DEPDC1B: variants seen among roughly 807,000 people sequenced by gnomAD.
The protein encoded by DEPDC1B is DEP domain containing 1B, also known as DEP domain-containing protein 1B.
Under a neutral mutation model 66.5 loss-of-function variants are expected in DEPDC1B, and 51 were observed. The ratio of observed to expected loss-of-function variants is 0.77; its 90% CI spans 0.61 to 0.97. DEPDC1B has a LOEUF of 0.97. Ranked by LOEUF, DEPDC1B falls within the 50% of genes least tolerant of loss-of-function variation. The pLI, the probability that DEPDC1B is intolerant of heterozygous loss-of-function variation, is 0.00. For synonymous variants in DEPDC1B, 226 were observed against 223.6 expected (o/e 1.01, Z -0.10); for missense variants, 552 against 637.1 (o/e 0.87, Z 1.44).
intron 2 of DEPDC1B, among the ~76,000 whole-genome samples, chr5:60,673,589 A>T (rs1384208417): frequency 6.6e-6 from 1 of 152,250 alleles, no homozygotes; most frequent in Non-Finnish European, 1.5e-5. Flanking sequence ...CACAGGAAAC[A>T]TTTGGTGGGC....
chr5:60,633,635 G>A (rs942010170), intron 7 of DEPDC1B, among the ~76,000 whole-genome samples: 2 of 152,204 alleles, frequency 1.3e-5, no homozygotes, highest in Non-Finnish European at 2.9e-5. Flanking sequence ...AGTGAGCCCA[G>A]CTGAGACCTG....
rs752044778 is a variant in DEPDC1B, at chr5:60,603,406, A to T, written c.1227T>A (p.His409Gln). 1 of 1,581,004 alleles carries T rather than the reference A, an allele frequency of 6.3e-7. No homozygotes were observed. The highest frequency in any genetic ancestry group is 8.5e-7 in the Non-Finnish European group (1 of 1,169,772). The change falls in exon 9 of 11, where the codon CAT becomes CAA. Residue 409 changes from histidine to glutamine, a missense_variant. His to Gln is a conservative substitution (Grantham distance 24, BLOSUM62 0). Coordinates refer to ENST00000265036, the MANE Select transcript of DEPDC1B (RefSeq NM_018369.3). ...TCTCCTTTACCTGGACTCTTCGTAG[A>T]TGAGCCACACGCTCCTCTATAGAGG... ...LQTSIEERVA[H>Q]LRRVQIKYPG...
intron 7 of DEPDC1B, among the ~76,000 whole-genome samples, chr5:60,626,626 T>C (rs1752814275): frequency 6.6e-6 from 1 of 152,172 alleles, no homozygotes; most frequent in Non-Finnish European, 1.5e-5. Flanking sequence ...AATAAATATA[T>C]ATGTGTTTAA....
chr5:60,695,423 A>G (rs962884346), intron 1 of DEPDC1B, among the ~76,000 whole-genome samples: 1 of 152,164 alleles, frequency 6.6e-6, no homozygotes, highest in Non-Finnish European at 1.5e-5. Flanking sequence ...ATCAGATCGC[A>G]CATGAACTCA....
Position 60,669,285 on chromosome 5 carries a change from A to T in DEPDC1B, c.314+17677T>A, listed in dbSNP as rs551702318. On this transcript the variant is annotated intron_variant, in intron 2 of 10. Coordinates refer to ENST00000265036, the MANE Select transcript of DEPDC1B (RefSeq NM_018369.3). Reference sequence around the variant, plus strand: ...TAAATGATAGCTCTCTCAATGATTTAAAGCCCTTTTAAGAGATTAACTATA... The same window carrying T: ...TAAATGATAGCTCTCTCAATGATTTTAAGCCCTTTTAAGAGATTAACTATA... 2.0e-5 allele frequency among the ~76,000 whole-genome samples: 3 copies of T among 152,334 alleles called. No individual in the cohort carries two copies. The South Asian group carries it at 6.2e-4, about 32-fold the overall frequency.
intron 5 of DEPDC1B, among the ~76,000 whole-genome samples, chr5:60,643,196 A>T (rs1299106621): frequency 6.6e-6 from 1 of 152,236 alleles, no homozygotes; most frequent in Non-Finnish European, 1.5e-5. Context: ...CAAAAAGAAA[A>T]AGAAAAGAAA....
chr5:60,640,070 T>A (rs1027444919), intron 6 of DEPDC1B, among the ~76,000 whole-genome samples: 1 of 152,208 alleles, frequency 6.6e-6, no homozygotes, highest in Admixed American at 6.5e-5. Flanking sequence ...TTCGGCCTCC[T>A]TAAAGACTCT....
chr5:60,610,557 C>A (rs1025660929), intron 7 of DEPDC1B, among the ~76,000 whole-genome samples: 8 of 152,206 alleles, frequency 5.3e-5, no homozygotes, highest in African/African-American at 1.9e-4. Flanking sequence ...TGTCCCAACA[C>A]AAGCATATTA....
intron 6 of DEPDC1B, among the ~76,000 whole-genome samples, chr5:60,641,410 ACAATC>A (rs1289541819): frequency 6.8e-6 from 1 of 146,434 alleles, no homozygotes; most frequent in Non-Finnish European, 1.5e-5. Context: ...GTGCAGTGGC[ACAATC>A]TCGGGTTCAT....
At chr5:60,606,844 A>C (rs1036406781) in intron 7 of DEPDC1B, among the ~76,000 whole-genome samples, 1 of 151,888 alleles carries the variant, frequency 6.6e-6, no homozygotes, top group African/African-American at 2.4e-5. Context: ...GTCCCTGGAC[A>C]TACTTATATC....
chr5:60,670,155 C>T (rs1030854853), intron 2 of DEPDC1B, among the ~76,000 whole-genome samples: 3 of 152,138 alleles, frequency 2.0e-5, no homozygotes, highest in South Asian at 2.1e-4. Context: ...GAAGCCCAGG[C>T]GGGCAGATCG....
At chr5:60,673,798 C>T (rs367717317) in intron 2 of DEPDC1B, among the ~76,000 whole-genome samples, 57 of 152,366 alleles carry the variant, frequency 3.7e-4, no homozygotes, top group African/African-American at 1.3e-3. Context: ...TCAATAATAT[C>T]TGAGAACTAC....
chr5:60,682,516 TA>T (rs1018634807), intron 2 of DEPDC1B, among the ~76,000 whole-genome samples: 13 of 151,730 alleles, frequency 8.6e-5, no homozygotes, highest in African/African-American at 3.1e-4. Context: ...AAAGTATAAT[TA>T]AAAAAATAAA....
Position 60,667,686 on chromosome 5 carries a change from T to TAA in DEPDC1B, c.314+19274_314+19275dup, listed in dbSNP as rs200949272. Among the ~76,000 whole-genome samples the TAA allele has an allele frequency of 1.4e-3, 175 of 123,194 alleles. 2 individuals are homozygous for TAA. The highest frequency in any genetic ancestry group is 0.026 in the Middle Eastern group (2 of 78). 80.8% of individuals were successfully genotyped at this position (123,194 alleles called of 152,430 possible). A position where few individuals can be genotyped will look rare whatever the true frequency, so the allele number is the denominator to read the frequency against. The stretch of plus-strand genomic sequence containing the variant: ...ATATAATGGATATTTTACATGTATA[T>TAA]AATGGATATTTTACATGTATATAAA... On this transcript the variant is annotated intron_variant, in intron 2 of 10. Coordinates refer to ENST00000265036, the MANE Select transcript of DEPDC1B (RefSeq NM_018369.3).
chr5:60,652,661 TAAG>T (rs1331778354), intron 2 of DEPDC1B, among the ~76,000 whole-genome samples: 1 of 148,966 alleles, frequency 6.7e-6, no homozygotes, highest in African/African-American at 2.5e-5. Flanking sequence ...GTTACATGAA[TAAG>T]TTCTTCAGTG....
intron 9 of DEPDC1B, among the ~76,000 whole-genome samples, chr5:60,602,725 T>C (rs1007185530): frequency 3.3e-5 from 5 of 152,186 alleles, no homozygotes; most frequent in African/African-American, 4.8e-5. Context: ...AATTGTAAAG[T>C]ACAGTGTTCT....
chr5:60,640,808 T>C (rs1753172178), intron 6 of DEPDC1B, among the ~76,000 whole-genome samples: 1 of 152,280 alleles, frequency 6.6e-6, no homozygotes, highest in African/African-American at 2.4e-5. Flanking sequence ...TTTAGATGAC[T>C]GAAACATGAA....
intron 2 of DEPDC1B, among the ~76,000 whole-genome samples, chr5:60,678,040 A>T (rs1164464198): frequency 6.6e-6 from 1 of 152,230 alleles, no homozygotes; most frequent in African/African-American, 2.4e-5. Context: ...CCCTCAAACA[A>T]CTTAAATTTG....
intron 2 of DEPDC1B, among the ~76,000 whole-genome samples, chr5:60,659,981 A>G (rs907089405): frequency 6.6e-6 from 1 of 152,158 alleles, no homozygotes; most frequent in Admixed American, 6.5e-5. Flanking sequence ...AGAACTGATA[A>G]CCCAGTACTT....
Sources: allele counts gnomAD v4.1 joint callset (sites outside exome capture counted in the v4.1 genomes callset), GRCh38; gene constraint gnomAD v4.1.1; transcripts MANE v1.5; gene names NCBI Gene and HGNC (gene_info 2026-07-23, HGNC 2026-07-21).